Variants in MXRA5 observed in about 807,000 individuals in gnomAD.
MXRA5 encodes the protein matrix-remodeling-associated protein 5.
Under a neutral mutation model 112.5 loss-of-function variants are expected in MXRA5, and 41 were observed. That is an observed-to-expected ratio of 0.36 (90% CI 0.28 to 0.47). MXRA5 has a LOEUF of 0.47. MXRA5 is among the 20% of genes least tolerant of loss of function. The pLI, the probability that MXRA5 is intolerant of heterozygous loss-of-function variation, is 0.99. For missense variants in MXRA5, 2,150 were observed against 2,251.0 expected, an observed-to-expected ratio of 0.96 and a Z score of 0.91; for synonymous variants, 862 against 900.8, an observed-to-expected ratio of 0.96 and a Z score of 0.77.
chrX:3,331,864 G>A (rs1455107175), intron 2 of MXRA5, among the ~76,000 whole-genome samples: 1 of 112,196 alleles, frequency 8.9e-6, no homozygotes, highest in Non-Finnish European at 1.9e-5. Flanking sequence ...AAAAGGAATA[G>A]AGAAGCCTGC....
chrX:3,343,896 CA>C (rs1490042472), intron 1 of MXRA5, 35 bp from the exon 2 acceptor site: 1 of 1,099,224 alleles, frequency 9.1e-7, no homozygotes, highest in Non-Finnish European at 1.2e-6. Context: ...AGCTTATTCA[CA>C]GGTAGCACCG....
At position 3,330,734 on chromosome X, in the gene MXRA5, T is replaced by G. The variant is rs753494691; in HGVS notation, c.228A>C (p.Ala76=). The change falls in exon 3 of 7, where the codon GCA becomes GCC. Residue 76 remains alanine (A), a synonymous_variant. Coordinates refer to ENST00000217939, the MANE Select transcript of MXRA5 (RefSeq NM_015419.4). The stretch of plus-strand genomic sequence containing the variant: ...TAAGTAGCTCCAACTTGGTCAGTCC[T>G]GCAAATGAGGTTTCTGACAGGGCCT... The part of the protein sequence containing the change: ...SIQALSETSF[A]GLTKLELLMI... The G allele has an allele frequency of 1.7e-5, 21 of 1,204,964 alleles. No individual in the cohort carries two copies. The South Asian group carries it at 3.6e-4, about 20-fold the overall frequency.
intron 6 of MXRA5, among the ~76,000 whole-genome samples, chrX:3,311,894 C>T (rs1337501662): frequency 8.9e-6 from 1 of 112,318 alleles, no homozygotes; most frequent in East Asian, 2.8e-4. Flanking sequence ...CAATCCCATT[C>T]CTGCAAGTGT....
intron 2 of MXRA5, among the ~76,000 whole-genome samples, chrX:3,337,445 G>A (rs1333280363): frequency 9.0e-6 from 1 of 111,441 alleles, no homozygotes; most frequent in Non-Finnish European, 1.9e-5. Flanking sequence ...GCCTTAGCAC[G>A]TGCAAATTTG....
At position 3,324,531 on chromosome X, in the gene MXRA5, C is replaced by G; in HGVS notation, c.1154G>C (p.Ser385Thr). The G allele has an allele frequency of 2.5e-6, 3 of 1,211,332 alleles. No individual in the cohort carries two copies. The highest frequency in any genetic ancestry group is 3.4e-6 in the Non-Finnish European group (3 of 895,386). Residue 385 changes from serine (S) to threonine (T), a missense_variant, in exon 5 of 7, where the codon AGT (serine) becomes ACT (threonine). Around this residue, in one of 6 missense-constraint regions of MXRA5, gnomAD observed 386 missense variants for 411.0 expected, o/e 0.94. Transcript: ENST00000217939. ...TCTGTGTAGCTTCACGGGAACTTCA[C>G]TGTAGTATGCTATCAATTTCCATAG... ...EKLWKLIAYYSEVPVKLHREL... is the reference protein window; with the variant it reads ...EKLWKLIAYYTEVPVKLHREL...
chrX:3,325,246 TA>T (rs1164204091), intron 4 of MXRA5, among the ~76,000 whole-genome samples: 2 of 111,152 alleles, frequency 1.8e-5, no homozygotes, highest in African/African-American at 6.5e-5. Context: ...AACGGGTATT[TA>T]AAAAACATTT....
In MXRA5 at chrX:3,334,648, T is replaced by C. The variant is rs141798708; in HGVS notation, c.189-3875A>G. 2.9e-3 allele frequency among the ~76,000 whole-genome samples: 327 copies of C among 111,975 alleles called. 3 individuals carry two copies. Among genetic ancestry groups the C allele is most frequent in the African/African-American group, 1.0e-2 (307 of 30,841 alleles). ...GCAATATGTTATATGAATAAAGACA[T>C]TCAATGAAAACATATTCAGATGTTC... On this transcript the variant is annotated intron_variant, in intron 2 of 6. Coordinates refer to ENST00000217939, the MANE Select transcript of MXRA5 (RefSeq NM_015419.4).
chrX:3,343,345 T>C (rs1409971360), intron 2 of MXRA5, among the ~76,000 whole-genome samples: 1 of 112,404 alleles, frequency 8.9e-6, no homozygotes, highest in Non-Finnish European at 1.9e-5. Context: ...CAACAATGTA[T>C]TAAAGAAATG....
rs1427815950 is a variant in MXRA5, at chrX:3,317,577, C to A, written c.6104G>T (p.Ser2035Ile). The change falls in exon 6 of 7, where the codon AGC becomes ATC. Residue 2035 changes from serine to isoleucine, a missense_variant. Ser to Ile is a moderately radical substitution (Grantham distance 142). This residue lies in a region of MXRA5 where 1,485 missense variants were observed against 1,471.6 expected (regional missense o/e 1.01). Transcript: ENST00000217939. ...CGCCACGTGCAGGCGGATGGCCAGG[C>A]TGTCCGCCCCGGCTGCATTGCTGGC... The part of the protein sequence containing the change: ...CVASNAAGAD[S>I]LAIRLHVAAL... 1 of 1,209,292 alleles carries A rather than the reference C, an allele frequency of 8.3e-7. No homozygotes were observed. The highest frequency in any genetic ancestry group is 1.1e-6 in the Non-Finnish European group (1 of 894,964).
Position 3,323,074 on chromosome X carries a change from C to T in MXRA5, c.2611G>A (p.Gly871Arg). Residue 871 changes from glycine (G) to arginine (R), a missense_variant, in exon 5 of 7, where the codon GGA becomes AGA. By Grantham distance (125) the Gly-to-Arg change is moderately radical. This residue lies in a region of MXRA5 where 1,485 missense variants were observed against 1,471.6 expected (regional missense o/e 1.01). Coordinates refer to ENST00000217939, the MANE Select transcript of MXRA5 (RefSeq NM_015419.4). ...ACTTCAGGTTCAACAAGAATAACTCCATTGTGGTTGTGTTCTAGCCCCATG... is the reference window on the plus strand; with the variant it reads ...ACTTCAGGTTCAACAAGAATAACTCTATTGTGGTTGTGTTCTAGCCCCATG... ...ASMGLEHNHN[G>R]VILVEPEVTS... The T allele has an allele frequency of 2.5e-6, 3 of 1,211,744 alleles. No homozygotes were observed. The highest frequency in any genetic ancestry group is 1.8e-5 in the South Asian group (1 of 56,967).
chrX:3,317,217 C>T lies in MXRA5; in HGVS notation c.6464G>A (p.Arg2155Lys). 1 of 1,211,283 alleles carries T rather than the reference C, an allele frequency of 8.3e-7. No homozygotes were observed. The highest frequency in any genetic ancestry group is 1.1e-6 in the Non-Finnish European group (1 of 895,378). ...NARITGTSPR[R>K]TDVRYGGTLK... ...GGTTCCTCCGTACCTGACGTCCGTC[C>T]TCCGCGGGGAGGTGCCCGTGATGCG... The change falls in exon 6 of 7, where the codon AGG becomes AAG. Residue 2155 changes from arginine (R) to lysine (K), a missense_variant. Coordinates refer to ENST00000217939, the MANE Select transcript of MXRA5 (RefSeq NM_015419.4).
intron 2 of MXRA5, among the ~76,000 whole-genome samples, chrX:3,333,466 T>C (rs759974049): frequency 9.0e-6 from 1 of 110,732 alleles, no homozygotes; most frequent in South Asian, 3.9e-4. Flanking sequence ...TAAAACAAGA[T>C]GGGAACTTAA....
chrX:3,309,769 C>T lies in MXRA5; in HGVS notation c.8434G>A (p.Ala2812Thr). 1 of 1,210,927 alleles carries T rather than the reference C, an allele frequency of 8.3e-7. No individual in the cohort carries two copies. The highest frequency in any genetic ancestry group is 1.1e-6 in the Non-Finnish European group (1 of 895,253). ...QRDAGFYKCM[A>T]KNILGSDSKT... ...GAGTCACTGCCGAGAATGTTTTTTG[C>T]CATGCACTTGTAGAAGCCGGCATCT... The change falls in exon 7 of 7, where the codon GCA becomes ACA. Residue 2812 changes from alanine to threonine, a missense_variant. Transcript: ENST00000217939.
chrX:3,339,194 T>C (rs1921858295), intron 2 of MXRA5, among the ~76,000 whole-genome samples: 1 of 111,213 alleles, frequency 9.0e-6, no homozygotes, highest in Non-Finnish European at 1.9e-5. Context: ...TGGGACGGGC[T>C]CCACATCAGC....
chrX:3,322,794 A>G lies in MXRA5; in HGVS notation c.2891T>C (p.Leu964Ser). The G allele has an allele frequency of 8.3e-7, 1 of 1,211,735 alleles. No homozygotes were observed. Among genetic ancestry groups the G allele is most frequent in the South Asian group, 1.8e-5 (1 of 56,956 alleles). ...AGACTCAGCCAAGGAGACAGCATCC[A>G]ATGGAGGCTCATACTCACTGGATGT... Reference protein sequence around the residue: ...EPTSSEYEPPLDAVSLAESEP... With the variant: ...EPTSSEYEPPSDAVSLAESEP... Residue 964 changes from leucine (L) to serine (S), a missense_variant, in exon 5 of 7, where the codon TTG becomes TCG. Leu to Ser is a moderately radical substitution (Grantham distance 145, BLOSUM62 -2). Transcript: ENST00000217939.
At chrX:3,313,964 T>C (rs980659735) in intron 6 of MXRA5, among the ~76,000 whole-genome samples, 4 of 111,681 alleles carry the variant, frequency 3.6e-5, no homozygotes, top group African/African-American at 1.3e-4. Context: ...TCTCAGCCCT[T>C]TTCCTGAATT....
rs748726685 is a variant in MXRA5 at position 3,317,613 on chromosome X, T to C, written c.6068A>G (p.Tyr2023Cys). The change falls in exon 6 of 7, where the codon TAT (tyrosine) becomes TGT (cysteine). Residue 2023 changes from tyrosine (Y) to cysteine (C), a missense_variant. Physicochemically the swap from Tyr to Cys is radical, Grantham distance 194 (BLOSUM62 -2). Coordinates refer to ENST00000217939, the MANE Select transcript of MXRA5 (RefSeq NM_015419.4). ...GGCTGCATTGCTGGCCACGCACTTATAGACGCCTCTGTCTGAGAAGGACGC... is the reference window on the plus strand; with the variant it reads ...GGCTGCATTGCTGGCCACGCACTTACAGACGCCTCTGTCTGAGAAGGACGC... Reference protein sequence around the residue: ...KEASFSDRGVYKCVASNAAGA... With the variant: ...KEASFSDRGVCKCVASNAAGA... The C allele has an allele frequency of 8.3e-6, 10 of 1,210,228 alleles. No individual in the cohort carries two copies. Among genetic ancestry groups the C allele is most frequent in the Admixed American group, 6.5e-5 (3 of 46,096 alleles).
At chrX:3,343,581 A>AT (rs1922036594) in intron 2 of MXRA5, 65 bp downstream of exon 2, 1 of 1,044,061 alleles carries the variant, frequency 9.6e-7, no homozygotes, top group African/African-American at 1.8e-5. Context: ...ACATACACAC[A>AT]CGCAAAACCA....
chrX:3,329,391 GAAGGAAGGAAGGAAGGAGAGAA>G (rs1921602834), intron 4 of MXRA5, among the ~76,000 whole-genome samples: 1 of 88,064 alleles, frequency 1.1e-5, no homozygotes, highest in African/African-American at 4.4e-5. Context: ...AAGGAGAGAA[GAAGGAAGGAAGGAAGGAGAGAA>G]AAGGAAGGAA....
Sources: gnomAD v4.1 joint callset for allele counts (sites outside exome capture counted in the v4.1 genomes callset) on GRCh38, gnomAD v4.1.1 for gene constraint, gnomAD v4.1.1 regional missense constraint, MANE v1.5 for transcripts, NCBI Gene and HGNC (gene_info 2026-07-23, HGNC 2026-07-21) for gene names.